Variants in SNTG1 observed in about 807,000 individuals in gnomAD.
The protein encoded by SNTG1 is syntrophin gamma 1.
In SNTG1, 39 loss-of-function variants were observed where a neutral mutation model predicts 74.7. The ratio of observed to expected loss-of-function variants is 0.52; its 90% CI spans 0.40 to 0.68. The LOEUF (loss-of-function observed/expected upper bound fraction) is 0.68, where lower values mean the gene tolerates loss of function less well. SNTG1 is among the 30% of genes least tolerant of loss of function. SNTG1 has a pLI of 0.00. For missense variants in SNTG1, 685 were observed against 609.5 expected, an observed-to-expected ratio of 1.12 and a Z score of -1.30; for synonymous variants, 254 against 217.1, an observed-to-expected ratio of 1.17 and a Z score of -1.49.
intron 8 of SNTG1, among the ~76,000 whole-genome samples, chr8:50,489,886 G>C (rs188361889): frequency 6.6e-6 from 1 of 152,018 alleles, no homozygotes; most frequent in African/African-American, 2.4e-5. Context: ...TTTCTTCTAG[G>C]ATTTTCATGG....
intron 8 of SNTG1, among the ~76,000 whole-genome samples, chr8:50,465,781 C>CT (rs953678648): frequency 3.9e-5 from 6 of 152,114 alleles, no homozygotes; most frequent in Non-Finnish European, 7.4e-5. Context: ...CTTGAAAGCT[C>CT]TTTTTGTTAC....
intron 4 of SNTG1, among the ~76,000 whole-genome samples, chr8:50,417,633 C>G (rs542495121): frequency 2.0e-4 from 30 of 152,114 alleles, no homozygotes; most frequent in African/African-American, 7.0e-4. Flanking sequence ...CCATTCAGTC[C>G]CTTGCTCCCT....
intron 2 of SNTG1, among the ~76,000 whole-genome samples, chr8:50,374,925 C>G (rs1474661334): frequency 6.6e-6 from 1 of 152,038 alleles, no homozygotes; most frequent in Admixed American, 6.5e-5. Context: ...GAAAGAAAGT[C>G]ACAAACTCAC....
At chr8:50,238,442 C>A (rs940485228) in intron 2 of SNTG1, among the ~76,000 whole-genome samples, 5 of 152,090 alleles carry the variant, frequency 3.3e-5, no homozygotes, top group African/African-American at 1.2e-4. Context: ...TAGTCATATG[C>A]ATGAGATTAA....
intron 9 of SNTG1, among the ~76,000 whole-genome samples, chr8:50,523,164 G>C (rs192397205): frequency 1.4e-3 from 216 of 152,202 alleles, no homozygotes; most frequent in Non-Finnish European, 2.6e-3. Flanking sequence ...AAGAGAGTTA[G>C]TATCTTGCCC....
At chr8:50,152,503 A>G (rs2082104203) in intron 1 of SNTG1, among the ~76,000 whole-genome samples, 2 of 152,132 alleles carry the variant, frequency 1.3e-5, no homozygotes, top group Admixed American at 6.6e-5. Context: ...TCCTAGCATC[A>G]ATGGTCTTTA....
intron 18 of SNTG1, among the ~76,000 whole-genome samples, chr8:50,766,870 C>A (rs750882754): frequency 6.6e-6 from 1 of 151,754 alleles, no homozygotes; most frequent in African/African-American, 2.4e-5. Context: ...TTTAAAATCA[C>A]CATCTTGATA....
chr8:50,529,974 G>A (rs1354272125), intron 9 of SNTG1, among the ~76,000 whole-genome samples: 2 of 151,746 alleles, frequency 1.3e-5, no homozygotes, highest in East Asian at 3.9e-4. Context: ...ACAAATTTTT[G>A]TGAGTCTCTT....
At chr8:50,761,593 T>A (rs2095599079) in intron 18 of SNTG1, among the ~76,000 whole-genome samples, 1 of 133,114 alleles carries the variant, frequency 7.5e-6, no homozygotes, top group Admixed American at 7.3e-5. Context: ...AAGAACATAG[T>A]GCCTGAGCTA....
At chr8:50,788,250 A>G (rs1369489904) in intron 18 of SNTG1, among the ~76,000 whole-genome samples, 2 of 152,090 alleles carry the variant, frequency 1.3e-5, no homozygotes, top group Non-Finnish European at 2.9e-5. Context: ...AGAGAAGCCT[A>G]TCTTGAAATC....
intron 17 of SNTG1, among the ~76,000 whole-genome samples, chr8:50,736,659 T>C (rs546839070): frequency 4.6e-5 from 7 of 152,122 alleles, no homozygotes; most frequent in African/African-American, 1.7e-4. Context: ...ATTCTAAAAT[T>C]GACCACAAGA....
intron 15 of SNTG1, among the ~76,000 whole-genome samples, chr8:50,682,620 C>G (rs1422641598): frequency 6.6e-6 from 1 of 152,152 alleles, no homozygotes; most frequent in African/African-American, 2.4e-5. Context: ...TTATCCTCAG[C>G]CCTCAACTGT....
At chr8:50,619,031 T>C (rs773029482) in intron 13 of SNTG1, among the ~76,000 whole-genome samples, 11 of 152,284 alleles carry the variant, frequency 7.2e-5, no homozygotes, top group Admixed American at 1.3e-4. Context: ...TATGGCTGTT[T>C]ATTTTTCTGT....
At chr8:50,046,054 A>G (rs548465367) in intron 1 of SNTG1, among the ~76,000 whole-genome samples, 8 of 152,376 alleles carry the variant, frequency 5.3e-5, no homozygotes. Flanking sequence ...GTCTTAGACA[A>G]TACATAAACA....
intron 12 of SNTG1, among the ~76,000 whole-genome samples, chr8:50,563,983 A>G (rs2094501942): frequency 6.6e-6 from 1 of 152,160 alleles, no homozygotes; most frequent in South Asian, 2.1e-4. Context: ...AATCTCTCTC[A>G]TTACATTCAT....
chr8:50,746,845 ATATAT>A (rs1182718596), intron 17 of SNTG1, among the ~76,000 whole-genome samples: 4 of 147,654 alleles, frequency 2.7e-5, no homozygotes, highest in African/African-American at 4.9e-5. Context: ...ATAATATATA[ATATAT>A]TATATTGTAA....
rs2130402467 is a variant in SNTG1 at position 50,536,750 on chromosome 8, C to T, written c.622C>T (p.Leu208=). ...RWEKRWCDLR[L]IPLLHSRFSQ... The stretch of plus-strand genomic sequence containing the variant: ...GGAGAAGCGATGGTGCGACCTCAGA[C>T]TGATCCCTCTACTTCATTCGCGCTT... The change falls in exon 11 of 19, where the codon CTG becomes TTG. Residue 208 remains leucine (L), a synonymous_variant. Transcript: ENST00000642720. 1 of 1,614,048 alleles carries T rather than the reference C, an allele frequency of 6.2e-7. No individual in the cohort carries two copies. Among genetic ancestry groups the T allele is most frequent in the South Asian group, 1.1e-5 (1 of 91,086 alleles).
At chr8:50,080,832 A>G (rs1421808528) in intron 1 of SNTG1, among the ~76,000 whole-genome samples, 6 of 152,194 alleles carry the variant, frequency 3.9e-5, no homozygotes, top group Admixed American at 2.6e-4. Context: ...TTTATCTATG[A>G]GTGATAGCTT....
chr8:50,789,158 C>A (rs1296110299), intron 18 of SNTG1, among the ~76,000 whole-genome samples: 1 of 151,868 alleles, frequency 6.6e-6, no homozygotes, highest in Non-Finnish European at 1.5e-5. Context: ...TCTCATGAAG[C>A]CATTCTTATG....
Sources: allele counts gnomAD v4.1 joint callset (sites outside exome capture counted in the v4.1 genomes callset), GRCh38; gene constraint gnomAD v4.1.1; transcripts MANE v1.5; gene names NCBI Gene and HGNC (gene_info 2026-07-23, HGNC 2026-07-21).